TMEM263: variants seen among roughly 807,000 people sequenced by gnomAD.
TMEM263 encodes transmembrane protein 263.
TMEM263 carries 5 observed loss-of-function variants against 8.6 expected under a neutral mutation model. That is an observed-to-expected ratio of 0.58 (90% confidence interval 0.31 to 1.23). TMEM263 has a LOEUF of 1.23. TMEM263 is among the 50% of genes most tolerant of loss of function. The pLI, the probability that TMEM263 is intolerant of heterozygous loss-of-function variation, is 0.07. For synonymous variants in TMEM263, 50 were observed against 47.9 expected (o/e 1.04, Z -0.18); for missense variants, 104 against 138.8 (o/e 0.75, Z 1.26).
chr12:106,970,300 A>G (rs1462317576), intron 3 of TMEM263, among the ~76,000 whole-genome samples: 1 of 152,208 alleles, frequency 6.6e-6, no homozygotes, highest in Non-Finnish European at 1.5e-5. Context: ...CATATTAGCA[A>G]TAAAAACTGA....
Position 106,971,216 on chromosome 12 carries a change from G to A in TMEM263, c.176G>A (p.Trp59Ter). 1 of 1,614,194 alleles carries A rather than the reference G, an allele frequency of 6.2e-7. No individual in the cohort carries two copies. The highest frequency in any genetic ancestry group is 8.5e-7 in the Non-Finnish European group (1 of 1,180,040). The part of the protein sequence containing the change: ...AVGATIGGVA[W>*]IGGKSLEVTK... Reference sequence around the variant, plus strand: ...GGTGCCACCATTGGTGGTGTGGCTTGGATTGGTGGAAAGAGTCTGGAAGTG... The same window carrying A: ...GGTGCCACCATTGGTGGTGTGGCTTAGATTGGTGGAAAGAGTCTGGAAGTG... The change falls in exon 4 of 4, where the codon TGG (tryptophan) becomes TAG (stop). Residue 59 changes from tryptophan (W) to a stop codon, truncating the protein, a stop_gained. Coordinates refer to ENST00000280756, the MANE Select transcript of TMEM263 (RefSeq NM_152261.4). LOFTEE classifies it high-confidence loss of function.
rs866510525 is a variant in TMEM263 at position 106,973,933 on chromosome 12, G to A, written c.*2542G>A. On this transcript the variant is annotated 3_prime_UTR_variant, in exon 4 of 4. Coordinates refer to ENST00000280756, the MANE Select transcript of TMEM263 (RefSeq NM_152261.4). ...TGATGAATAATTTTTTTGTATTAAA[G>A]GGATGGGAAAAGAACACATGAATTT... 2.6e-5 allele frequency: 4 copies of A among 152,498 alleles called. No homozygotes were observed. Among genetic ancestry groups the A allele is most frequent in the South Asian group, 4.1e-4 (2 of 4,822 alleles). The allele number at this position is 152,498 out of a possible 1,614,324, so 9.4% of individuals were successfully genotyped here.
rs372210855 is a variant in TMEM263, at chr12:106,971,187, T to C, written c.147T>C (p.Ala49=). The change falls in exon 4 of 4, where the codon GCT becomes GCC. Residue 49 remains alanine, a synonymous_variant. Transcript: ENST00000280756. Reference sequence around the variant, plus strand: ...GTATCTTCAGTGTTACAAAGGGAGCTGTTGGTGCCACCATTGGTGGTGTGG... The same window carrying C: ...GTATCTTCAGTGTTACAAAGGGAGCCGTTGGTGCCACCATTGGTGGTGTGG... ...TGGIFSVTKG[A]VGATIGGVAW... is the part of the protein sequence containing the mutation. The C allele has an allele frequency of 2.5e-6, 4 of 1,614,198 alleles. No individual in the cohort carries two copies. Among genetic ancestry groups the C allele is most frequent in the Non-Finnish European group, 3.4e-6 (4 of 1,180,046 alleles).
intron 2 of TMEM263, among the ~76,000 whole-genome samples, chr12:106,965,566 A>G (rs1051684519): frequency 6.6e-6 from 1 of 151,028 alleles, no homozygotes; most frequent in Non-Finnish European, 1.5e-5. Flanking sequence ...AGATCGCACC[A>G]CTGCACTCCA....
In TMEM263 at chr12:106,971,315, G is replaced by C; in HGVS notation, c.275G>C (p.Gly92Ala). 3 of 1,614,194 alleles carry C rather than the reference G, an allele frequency of 1.9e-6. No homozygotes were observed. The highest frequency in any genetic ancestry group is 2.5e-6 in the Non-Finnish European group (3 of 1,180,042). The change falls in exon 4 of 4, where the codon GGA (glycine) becomes GCA (alanine). Residue 92 changes from glycine to alanine, a missense_variant. Physicochemically the swap from Gly to Ala is moderately conservative, Grantham distance 60 (BLOSUM62 0). Transcript: ENST00000280756. ...LVKGGVSAVA[G>A]GVTAVGSAVV... ...AAAGGGGGTGTCTCTGCTGTGGCTG[G>C]AGGTGTTACAGCTGTTGGGTCTGCT...
intron 2 of TMEM263, among the ~76,000 whole-genome samples, chr12:106,962,576 C>G (rs1951793548): frequency 6.6e-6 from 1 of 152,158 alleles, no homozygotes; most frequent in Non-Finnish European, 1.5e-5. Context: ...TCATATCACC[C>G]ACTGCTCAGA....
chr12:106,968,330 C>T (rs867619144), intron 3 of TMEM263, among the ~76,000 whole-genome samples: 2 of 151,044 alleles, frequency 1.3e-5, no homozygotes, highest in African/African-American at 2.4e-5. Context: ...GAGCTAAGAT[C>T]GTGCCACTGA....
At position 106,971,371 on chromosome 12, in the gene TMEM263, A is replaced by C. The variant is rs1308225868; in HGVS notation, c.331A>C (p.Lys111Gln). ...VVNKVPLTGK[K>Q]KDKSD Reference sequence around the variant, plus strand: ...AAACAAAGTGCCCTTAACAGGAAAGAAGAAAGACAAATCTGACTGAAATAT... The same window carrying C: ...AAACAAAGTGCCCTTAACAGGAAAGCAGAAAGACAAATCTGACTGAAATAT... The change falls in exon 4 of 4, where the codon AAG becomes CAG. Residue 111 changes from lysine to glutamine, a missense_variant. Physicochemically the swap from Lys to Gln is moderately conservative, Grantham distance 53. Coordinates refer to ENST00000280756, the MANE Select transcript of TMEM263 (RefSeq NM_152261.4). The C allele has an allele frequency of 6.2e-7, 1 of 1,609,254 alleles. No homozygotes were observed. The highest frequency in any genetic ancestry group is 8.5e-7 in the Non-Finnish European group (1 of 1,176,976).
chr12:106,967,050 A>G, intron 2 of TMEM263, 61 bp from the exon 3 acceptor site: 1 of 1,082,804 alleles, frequency 9.2e-7, no homozygotes, highest in Non-Finnish European at 1.4e-6. Flanking sequence ...TTAGCATGTG[A>G]TAAGAGGTAG....
At chr12:106,959,142 A>G (rs1275783332) in intron 2 of TMEM263, 1 of 152,232 alleles carries the variant, frequency 6.6e-6, no homozygotes. Flanking sequence ...GGGCTCAAGT[A>G]TATGTTGAAT....
intron 1 of TMEM263, among the ~76,000 whole-genome samples, chr12:106,956,364 G>C (rs949726448): frequency 3.9e-5 from 6 of 152,192 alleles, no homozygotes; most frequent in African/African-American, 1.4e-4. Flanking sequence ...TTCGGGGTTG[G>C]GGGCGGAGGA....
intron 2 of TMEM263, among the ~76,000 whole-genome samples, chr12:106,963,771 T>G (rs1951809812): frequency 6.6e-6 from 1 of 152,230 alleles, no homozygotes; most frequent in East Asian, 1.9e-4. Context: ...TTAAAAATTG[T>G]CTTTTTCTTA....
chr12:106,966,597 G>A (rs1328537178), intron 2 of TMEM263, among the ~76,000 whole-genome samples: 9 of 152,206 alleles, frequency 5.9e-5, no homozygotes, highest in Admixed American at 4.6e-4. Flanking sequence ...CATTAGCAGT[G>A]TATAAGCATT....
At chr12:106,966,533 C>A (rs1382570640) in intron 2 of TMEM263, among the ~76,000 whole-genome samples, 1 of 152,144 alleles carries the variant, frequency 6.6e-6, no homozygotes. Flanking sequence ...GTTGTGAGTT[C>A]TTTTGAGAAA....
rs371483947 is a variant in TMEM263 at position 106,956,265 on chromosome 12, C to A, written c.-75+200C>A. On this transcript the variant is annotated intron_variant, in intron 1 of 3. Coordinates refer to ENST00000280756, the MANE Select transcript of TMEM263 (RefSeq NM_152261.4). Reference sequence around the variant, plus strand: ...GGATGGAGGTTCGCTTCTGGGGCTACTCCTCCTTATACGTCGCTGACTGCC... The same window carrying A: ...GGATGGAGGTTCGCTTCTGGGGCTAATCCTCCTTATACGTCGCTGACTGCC... Among the ~76,000 whole-genome samples the A allele has an allele frequency of 6.6e-5, 10 of 152,326 alleles. No homozygotes were observed. The East Asian group carries it at 1.2e-3, about 18-fold the overall frequency.
chr12:106,960,750 TTTTCA>T (rs1951762445), intron 2 of TMEM263, among the ~76,000 whole-genome samples: 3 of 152,120 alleles, frequency 2.0e-5, no homozygotes, highest in African/African-American at 7.2e-5. Context: ...CTCAAAGCAC[TTTTCA>T]TTTCACTTTT....
rs1435589097 is a variant in TMEM263, at chr12:106,957,275, T to C, written c.-7+126T>C. ...AAAGAAAGGGAGAAGTAGCCTTTGA[T>C]AAACCCATATGCATCCTGTTTTGCT... On this transcript the variant is annotated intron_variant, in intron 2 of 3. Transcript: ENST00000280756. 3 of 537,066 alleles carry C rather than the reference T, an allele frequency of 5.6e-6. No homozygotes were observed. The African/African-American group carries it at 6.0e-5, about 11-fold the overall frequency. 33.3% of individuals were successfully genotyped at this position (537,066 alleles called of 1,614,324 possible).
rs1951681440 is a variant in TMEM263, at chr12:106,955,964, T to A, written c.-176T>A. ...CCTCTGGAGCCGCGACTGCCCGGGG[T>A]TGTGCCGGCCGCCGCTGCCGCCCAG... On this transcript the variant is annotated 5_prime_UTR_variant, in exon 1 of 4. It adds an upstream start codon to the 5' untranslated region. Coordinates refer to ENST00000280756, the MANE Select transcript of TMEM263 (RefSeq NM_152261.4). 1.0e-6 allele frequency: 1 copy of A among 986,462 alleles called. No individual in the cohort carries two copies. The highest frequency in any genetic ancestry group is 1.2e-6 in the Non-Finnish European group (1 of 830,950). The allele number at this position is 986,462 out of a possible 1,614,324, so 61.1% of individuals were successfully genotyped here.
intron 2 of TMEM263, among the ~76,000 whole-genome samples, chr12:106,959,728 C>T (rs963224757): frequency 6.6e-6 from 1 of 152,038 alleles, no homozygotes; most frequent in African/African-American, 2.4e-5. Flanking sequence ...AACGAAGTGG[C>T]AATATCCATA....
Sources: allele counts gnomAD v4.1 joint callset (sites outside exome capture counted in the v4.1 genomes callset), GRCh38; gene constraint gnomAD v4.1.1; transcripts MANE v1.5; gene names NCBI Gene and HGNC (gene_info 2026-07-23, HGNC 2026-07-21).